The following CTBP2 variants were observed in gnomAD, a reference collection of about 807,000 sequenced individuals.
CTBP2 encodes the protein C-terminal binding protein 2, also known as C-terminal-binding protein 2.
A neutral mutation model predicts 80.3 loss-of-function variants in CTBP2; 30 were observed. That is an observed-to-expected ratio of 0.37 (90% CI 0.28 to 0.51). The LOEUF (loss-of-function observed/expected upper bound fraction) is 0.51, where lower values mean the gene tolerates loss of function less well. Ranked by LOEUF, CTBP2 falls within the 20% of genes least tolerant of loss-of-function variation. CTBP2 has a pLI of 0.93. For missense variants in CTBP2, 1,212 were observed against 1,375.3 expected (o/e 0.88, Z 1.88); for synonymous variants, 594 against 587.4 (o/e 1.01, Z -0.16).
chr10:125,086,676 C>A (rs994956418), intron 2 of CTBP2, among the ~76,000 whole-genome samples: 3 of 150,040 alleles, frequency 2.0e-5, no homozygotes, highest in Non-Finnish European at 4.4e-5. Context: ...CGAGAGAGTA[C>A]CGTCTCTGAA....
In CTBP2 at chr10:125,027,036, G is replaced by A; in HGVS notation, c.724C>T (p.Pro242Ser). The stretch of plus-strand genomic sequence containing the variant: ...GGGGCCACCCCTGTGCTGCCTTCGG[G>A]GGCAGCAGCTGAACTGGGGTCCACA... The change falls in exon 1 of 9, where the codon CCC (proline) becomes TCC (serine). Residue 242 changes from proline to serine, a missense_variant. This residue lies in a region of CTBP2 where 848 missense variants were observed against 782.3 expected (regional missense o/e 1.08). Coordinates refer to ENST00000309035, the MANE Select transcript of CTBP2 (RefSeq NM_022802.3). The A allele has an allele frequency of 6.2e-7, 1 of 1,613,546 alleles. No homozygotes were observed. The highest frequency in any genetic ancestry group is 8.5e-7 in the Non-Finnish European group (1 of 1,179,764).
intron 2 of CTBP2, among the ~76,000 whole-genome samples, chr10:125,102,901 A>G (rs1018278703): frequency 1.3e-5 from 2 of 152,200 alleles, no homozygotes; most frequent in African/African-American, 2.4e-5. Flanking sequence ...GCTTGGATGT[A>G]GTCAGGTTGG....
intron 2 of CTBP2, among the ~76,000 whole-genome samples, chr10:125,099,656 C>G (rs1415397596): frequency 1.3e-5 from 2 of 152,220 alleles, no homozygotes; most frequent in Admixed American, 6.5e-5. Flanking sequence ...CTTGAGTTGT[C>G]AAAAACCCAT....
intron 2 of CTBP2, among the ~76,000 whole-genome samples, chr10:125,053,949 C>T (rs1447701221): frequency 6.6e-6 from 1 of 152,196 alleles, no homozygotes. Flanking sequence ...AGTGACCTTT[C>T]CAGCCCCTAC....
At chr10:125,098,305 C>T (rs1401711617) in intron 2 of CTBP2, among the ~76,000 whole-genome samples, 1 of 152,144 alleles carries the variant, frequency 6.6e-6, no homozygotes, top group Non-Finnish European at 1.5e-5. Flanking sequence ...CGGAATGGAA[C>T]TTAGGCAGAC....
chr10:125,056,175 A>T (rs929240028), intron 2 of CTBP2, among the ~76,000 whole-genome samples: 1 of 136,974 alleles, frequency 7.3e-6, no homozygotes, highest in Non-Finnish European at 1.7e-5. Context: ...AAAAATAAAA[A>T]TAATAATAAT....
intron 2 of CTBP2, among the ~76,000 whole-genome samples, chr10:125,064,884 T>G (rs1844392864): frequency 6.6e-6 from 1 of 152,234 alleles, no homozygotes; most frequent in Non-Finnish European, 1.5e-5. Flanking sequence ...GGTCTGGCTC[T>G]TCTCTACTTT....
chr10:125,005,136 C>T (rs1243983471), intron 1 of CTBP2, among the ~76,000 whole-genome samples: 1 of 152,246 alleles, frequency 6.6e-6, no homozygotes, highest in Non-Finnish European at 1.5e-5. Flanking sequence ...CGGCCCAGAG[C>T]ACCTGCACCA....
At chr10:125,047,657 A>AT (rs1961603227) in intron 2 of CTBP2, among the ~76,000 whole-genome samples, 1 of 152,272 alleles carries the variant, frequency 6.6e-6, no homozygotes, top group Non-Finnish European at 1.5e-5. Flanking sequence ...ACTTAATACA[A>AT]TTTATTAGAC....
Position 125,027,168 on chromosome 10 carries a change from AC to A in CTBP2, c.591del (p.Arg197SerfsTer57), listed in dbSNP as rs758859940. On this transcript the variant is annotated frameshift_variant, in exon 1 of 9. Coordinates refer to ENST00000309035, the MANE Select transcript of CTBP2 (RefSeq NM_022802.3). LOFTEE classifies it high-confidence loss of function. ...GGGTAGGCAGGCACCTCCGCCCCAT[AC>A]CTGGTGTCGGGCTGCTCCCGTCCAT... 12 of 1,605,302 alleles carry A rather than the reference AC, an allele frequency of 7.5e-6. No homozygotes were observed. Among genetic ancestry groups the A allele is most frequent in the Non-Finnish European group, 1.0e-5 (12 of 1,173,596 alleles).
intron 2 of CTBP2, among the ~76,000 whole-genome samples, chr10:125,093,778 C>T (rs1421438993): frequency 3.3e-5 from 5 of 152,190 alleles, no homozygotes; most frequent in Admixed American, 6.5e-5. Flanking sequence ...CAGCACAGAA[C>T]GCGCGCAACC....
At chr10:125,058,319 G>C (rs928553434) in intron 2 of CTBP2, among the ~76,000 whole-genome samples, 1 of 152,128 alleles carries the variant, frequency 6.6e-6, no homozygotes, top group African/African-American at 2.4e-5. Flanking sequence ...TGCACACACA[G>C]TGCTGCGTCC....
intron 8 of CTBP2, among the ~76,000 whole-genome samples, 156 bp downstream of exon 10, chr10:124,992,539 G>A (rs1952819357): frequency 6.6e-6 from 1 of 152,176 alleles, no homozygotes; most frequent in African/African-American, 2.4e-5. Flanking sequence ...TGGAAGAAAT[G>A]GGGGCGGTGT....
chr10:125,098,726 GAGAGAGAGAGAGAGAGAGAGAGAC>G, intron 2 of CTBP2, among the ~76,000 whole-genome samples: 5 of 117,874 alleles, frequency 4.2e-5, no homozygotes, highest in African/African-American at 9.9e-5. Flanking sequence ...GAGAGAGACA[GAGAGAGAGAGAGAGAGAGAGAGAC>G]AGAGAGAGAG....
At chr10:125,001,879 C>G (rs1954557269) in intron 3 of CTBP2, among the ~76,000 whole-genome samples, 1 of 152,234 alleles carries the variant, frequency 6.6e-6, no homozygotes, top group South Asian at 2.1e-4. Flanking sequence ...TGTGGAGAGA[C>G]AGCTGGAGCC....
Position 124,987,488 on chromosome 10 carries a change from T to C in CTBP2, c.*2030A>G, listed in dbSNP as rs1952084079. 6.6e-6 allele frequency: 1 copy of C among 152,208 alleles called. No individual in the cohort carries two copies. The allele number at this position is 152,208 out of a possible 1,614,324, so 9.4% of individuals were successfully genotyped here. On this transcript the variant is annotated 3_prime_UTR_variant, in exon 9 of 9. Coordinates refer to ENST00000309035, the MANE Select transcript of CTBP2 (RefSeq NM_022802.3). ...TTAGGTTCATCGTGTCCCAGACTTC[T>C]TCACATATTCGTGAAGGTAAGATAT...
Position 124,994,633 on chromosome 10 carries a change from C to G in CTBP2, c.2236G>C (p.Val746Leu), listed in dbSNP as rs377652083. Reference sequence around the variant, plus strand: ...TGCAAGTAGGGGTCATAAAATATGACGCTGAATCCAAAGGCCTTGGCTCGA... The same window carrying G: ...TGCAAGTAGGGGTCATAAAATATGAGGCTGAATCCAAAGGCCTTGGCTCGA... Residue 746 changes from valine (V) to leucine (L), a missense_variant, in exon 5 of 9, where the codon GTC becomes CTC. This residue lies in a region of CTBP2 where 335 missense variants were observed against 504.7 expected (regional missense o/e 0.66). Transcript: ENST00000309035. 1.2e-6 allele frequency: 2 copies of G among 1,614,170 alleles called. No individual in the cohort carries two copies. The highest frequency in any genetic ancestry group is 1.7e-6 in the Non-Finnish European group (2 of 1,180,002).
rs1231690413 is a variant in CTBP2, at chr10:125,066,227, G to A, written c.-101-27072C>T. 2.0e-5 allele frequency among the ~76,000 whole-genome samples: 3 copies of A among 151,996 alleles called. No individual in the cohort carries two copies. The highest frequency in any genetic ancestry group is 1.9e-4 in the East Asian group (1 of 5,170). The stretch of plus-strand genomic sequence containing the variant: ...ACATCACAGCTTCTGTTAACATGGC[G>A]ATGGCTAGGCACAGGCAGCCACCCC... On this transcript the variant is annotated intron_variant, in intron 2 of 10. Coordinates refer to the CTBP2 transcript ENST00000337195. The surrounding 1 kb of genome is among the most constrained non-coding windows in gnomAD (Gnocchi z 4.1).
At position 125,027,286 on chromosome 10, in the gene CTBP2, C is replaced by G. The variant is rs780265303; in HGVS notation, c.474G>C (p.Leu158=). ...CCCGGTACAGGTGACCGGCGTCCTG[C>G]AGGGCAGGTGACCGGCCTTGCATTG... Residue 158 remains leucine (L), a synonymous_variant, in exon 1 of 9, where the codon CTG becomes CTC. Coordinates refer to ENST00000309035, the MANE Select transcript of CTBP2 (RefSeq NM_022802.3). The G allele has an allele frequency of 6.8e-6, 11 of 1,613,760 alleles. No homozygotes were observed. Among genetic ancestry groups the G allele is most frequent in the Non-Finnish European group, 8.5e-6 (10 of 1,179,986 alleles).
Sources: gnomAD v4.1 joint callset for allele counts (sites outside exome capture counted in the v4.1 genomes callset) on GRCh38, gnomAD v4.1.1 for gene constraint, gnomAD v4.1.1 regional missense constraint, Gnocchi (gnomAD v3.1) non-coding constraint, MANE v1.5 for transcripts, NCBI Gene and HGNC (gene_info 2026-07-23, HGNC 2026-07-21) for gene names.